The following SLC13A3 variants were observed in gnomAD, a reference collection of about 807,000 sequenced individuals.
SLC13A3 encodes the protein solute carrier family 13 member 3, also known as Na(+)/dicarboxylate cotransporter 3.
In SLC13A3, 40 loss-of-function variants were observed where a neutral mutation model predicts 59.0. The observed-to-expected ratio is 0.68, with a 90% CI of 0.53 to 0.88. The LOEUF is 0.88. SLC13A3 is among the 40% of genes least tolerant of loss of function. The pLI, the probability that SLC13A3 is intolerant of heterozygous loss-of-function variation, is 0.00. For synonymous variants in SLC13A3, 317 were observed against 330.3 expected (o/e 0.96, Z 0.44); for missense variants, 699 against 783.2 (o/e 0.89, Z 1.28).
chr20:46,584,322 C>T, intron 8 of SLC13A3: 1 of 985,422 alleles, frequency 1.0e-6, no homozygotes, highest in Non-Finnish European at 1.2e-6. Context: ...ACAAATACAA[C>T]CAAGATACCC....
chr20:46,564,188 C>G (rs912197901), intron 11 of SLC13A3, among the ~76,000 whole-genome samples: 1 of 152,216 alleles, frequency 6.6e-6, no homozygotes, highest in Non-Finnish European at 1.5e-5. Context: ...GGGGGCATCC[C>G]TGGATTTCAG....
intron 3 of SLC13A3, among the ~76,000 whole-genome samples, chr20:46,600,943 G>A (rs913235697): frequency 3.9e-5 from 6 of 152,180 alleles, no homozygotes; most frequent in African/African-American, 7.2e-5. Context: ...TGATGGCCTC[G>A]GGTCTGAGAC....
intron 1 of SLC13A3, among the ~76,000 whole-genome samples, chr20:46,676,768 T>G (rs1319833407): frequency 6.6e-6 from 1 of 152,008 alleles, no homozygotes; most frequent in East Asian, 1.9e-4. Flanking sequence ...AACTGAGATT[T>G]AATAGAATTC....
intron 1 of SLC13A3, 28 bp downstream of exon 1, chr20:46,651,282 CG>C (rs1196358894): frequency 6.8e-6 from 10 of 1,460,958 alleles, no homozygotes; most frequent in Non-Finnish European, 4.5e-6. Flanking sequence ...TGTGGTTGAC[CG>C]GGGGCGCACA....
At chr20:46,563,357 G>A (rs2061947999) in intron 12 of SLC13A3, 57 bp downstream of exon 12, 11 of 1,578,276 alleles carry the variant, frequency 7.0e-6, no homozygotes, top group Admixed American at 3.5e-5. Context: ...GGCCTTGCCC[G>A]CCCCCTTGCG....
chr20:46,667,043 G>A (rs2063066192), intron 1 of SLC13A3, among the ~76,000 whole-genome samples: 1 of 152,086 alleles, frequency 6.6e-6, no homozygotes, highest in South Asian at 2.1e-4. Context: ...TTCCTATCCA[G>A]ATCATGCTGA....
At chr20:46,655,578 C>T (rs2062980000), upstream of SLC13A3, among the ~76,000 whole-genome samples, 1 of 147,040 alleles carries the variant, frequency 6.8e-6, no homozygotes, top group African/African-American at 2.5e-5. Context: ...CAATAATATT[C>T]CATTGTATGG....
Position 46,659,615 on chromosome 20 carries a change from TGAGGTGGGAGGATAGCTCGAGCCC to T in SLC13A3, c.-31+10404_-31+10427del, listed in dbSNP as rs2063015085. Among the ~76,000 whole-genome samples the T allele has an allele frequency of 9.9e-5, 15 of 151,218 alleles. 1 individual carries two copies. In the South Asian group the frequency reaches 2.5e-3, roughly 25 times the overall value. ...CTGTAGTCCCAGCTACCGGGGAGGC[TGAGGTGGGAGGATAGCTCGAGCCC>T]GGGGAGGTGGAGGTTGCAGTGAGCT... On this transcript the variant is annotated intron_variant, in intron 1 of 12. Coordinates refer to the SLC13A3 transcript ENST00000290317.
At chr20:46,626,995 T>C (rs921023995) in intron 1 of SLC13A3, among the ~76,000 whole-genome samples, 5 of 151,876 alleles carry the variant, frequency 3.3e-5, no homozygotes, top group African/African-American at 1.2e-4. Context: ...CTGTTCATTG[T>C]GGTCTGCTGC....
intron 1 of SLC13A3, among the ~76,000 whole-genome samples, chr20:46,676,955 G>C (rs972733524): frequency 6.6e-6 from 1 of 150,574 alleles, no homozygotes; most frequent in African/African-American, 2.4e-5. Context: ...GTCTCACCCT[G>C]TCCAGGCTGG....
chr20:46,656,524 G>A (rs6063014), intron 1 of SLC13A3, among the ~76,000 whole-genome samples: 31,240 of 132,130 alleles, frequency 0.24, 4,921 homozygotes, highest in East Asian at 0.55. Flanking sequence ...TACTGTATAT[G>A]ATATATACTA....
chr20:46,641,843 G>A (rs1375527297), intron 1 of SLC13A3, among the ~76,000 whole-genome samples: 1 of 152,130 alleles, frequency 6.6e-6, no homozygotes, highest in African/African-American at 2.4e-5. Context: ...CTTCATATGT[G>A]AAACAACCAA....
At chr20:46,573,656 A>AT (rs2062048567) in intron 10 of SLC13A3, among the ~76,000 whole-genome samples, 2 of 152,108 alleles carry the variant, frequency 1.3e-5, no homozygotes, top group South Asian at 4.1e-4. Context: ...TTATTCTTTA[A>AT]TTTTTTCCAA....
upstream of SLC13A3, among the ~76,000 whole-genome samples, chr20:46,653,764 C>T (rs1430116910): frequency 6.6e-6 from 1 of 152,132 alleles, no homozygotes; most frequent in Non-Finnish European, 1.5e-5. Flanking sequence ...CATGTTGTAG[C>T]ATGTGTCATA....
At chr20:46,651,052 T>TGAAAC (rs1182911826) in intron 1 of SLC13A3, among the ~76,000 whole-genome samples, 2 of 152,100 alleles carry the variant, frequency 1.3e-5, no homozygotes, top group African/African-American at 4.8e-5. Flanking sequence ...AACCTGTCAC[T>TGAAAC]GAAACGAAAC....
At chr20:46,627,521 G>A (rs894022783) in intron 1 of SLC13A3, among the ~76,000 whole-genome samples, 1 of 152,036 alleles carries the variant, frequency 6.6e-6, no homozygotes, top group Non-Finnish European at 1.5e-5. Flanking sequence ...TGTGGGTCCC[G>A]TGATGCCAGC....
chr20:46,604,587 G>C lies in SLC13A3; in HGVS notation c.542-4550C>G, dbSNP rs549887602. On this transcript the variant is annotated intron_variant, in intron 3 of 12. Transcript: ENST00000279027. ...GGAAGTCCCTTCCACACCACGGGCC[G>C]CTCTCGTGGTACACCGTTGGTACCA... is the stretch of plus-strand genomic sequence containing the variant. 2.4e-4 allele frequency among the ~76,000 whole-genome samples: 37 copies of C among 152,256 alleles called. 1 individual carries two copies. The highest frequency in any genetic ancestry group is 1.2e-3 in the South Asian group (6 of 4,824).
At chr20:46,598,343 T>G (rs2062336113) in intron 4 of SLC13A3, among the ~76,000 whole-genome samples, 1 of 152,120 alleles carries the variant, frequency 6.6e-6, no homozygotes, top group Non-Finnish European at 1.5e-5. Context: ...GTGGCCTCCC[T>G]CAGACCTGGG....
intron 3 of SLC13A3, among the ~76,000 whole-genome samples, chr20:46,607,358 C>T (rs1324931451): frequency 6.6e-6 from 1 of 152,168 alleles, no homozygotes; most frequent in Non-Finnish European, 1.5e-5. Context: ...TCCTAGCCCA[C>T]TGGCAGAATC....
Sources: allele counts gnomAD v4.1 joint callset (sites outside exome capture counted in the v4.1 genomes callset), GRCh38; gene constraint gnomAD v4.1.1; transcripts MANE v1.5; gene names NCBI Gene and HGNC (gene_info 2026-07-23, HGNC 2026-07-21).